The following BRINP3 variants were observed in gnomAD, a reference collection of about 807,000 sequenced individuals.
BRINP3 encodes the protein BMP/retinoic acid inducible neural specific 3.
BRINP3 carries 19 observed loss-of-function variants against 71.0 expected under a neutral mutation model. That is an observed-to-expected ratio of 0.27 (90% CI 0.19 to 0.39). The LOEUF is 0.39. Ranked by LOEUF, BRINP3 falls within the 10% of genes least tolerant of loss-of-function variation. The pLI is 1.00. For missense variants in BRINP3, 959 were observed against 940.8 expected (o/e 1.02, Z -0.25); for synonymous variants, 380 against 337.7 (o/e 1.13, Z -1.37).
At position 190,327,263 on chromosome 1, in the gene BRINP3, C is replaced by T. The variant is rs530421096; in HGVS notation, c.237-45513G>A. On this transcript the variant is annotated intron_variant, in intron 2 of 7. Transcript: ENST00000367462. ...CCAGGAGGCGGAGGTTGCAGGGAGT[C>T]AAGATCACGCCATTGTACTCTGGCC... is the stretch of plus-strand genomic sequence containing the variant. Among the ~76,000 whole-genome samples, 9 of 118,936 alleles carry T rather than the reference C, an allele frequency of 7.6e-5. No individual in the cohort carries two copies. The South Asian group carries it at 2.5e-3, about 33-fold the overall frequency. The allele number at this position is 118,936 out of a possible 152,430, so 78.0% of individuals were successfully genotyped here. A position where few individuals can be genotyped will look rare whatever the true frequency, so the allele number is the denominator to read the frequency against.
At chr1:190,432,038 T>C (rs1207548269) in intron 2 of BRINP3, among the ~76,000 whole-genome samples, 1 of 152,144 alleles carries the variant, frequency 6.6e-6, no homozygotes, top group Non-Finnish European at 1.5e-5. Context: ...AGAACACCGT[T>C]AACAAACATG....
intron 2 of BRINP3, among the ~76,000 whole-genome samples, chr1:190,449,540 A>G (rs2102603265): frequency 6.6e-6 from 1 of 151,968 alleles, no homozygotes; most frequent in South Asian, 2.1e-4. Flanking sequence ...TGCAAGTCCA[A>G]AGCTACTGTT....
intron 2 of BRINP3, among the ~76,000 whole-genome samples, chr1:190,404,563 C>T (rs1438401827): frequency 1.3e-5 from 2 of 152,128 alleles, no homozygotes; most frequent in East Asian, 3.8e-4. Context: ...TGTAAGAAAA[C>T]ATGATCTTAA....
At position 190,268,600 on chromosome 1, in the gene BRINP3, A is replaced by C. The variant is rs553642865; in HGVS notation, c.428-3545T>G. On this transcript the variant is annotated intron_variant, in intron 3 of 7. Transcript: ENST00000367462. ...GCAGATTAGAATCACAGTGTCAGAA[A>C]AAACACTTAAACTATGTTTATTTCG... Among the ~76,000 whole-genome samples, 9 of 152,288 alleles carry C rather than the reference A, an allele frequency of 5.9e-5. No homozygotes were observed. In the South Asian group the frequency reaches 1.9e-3, roughly 32 times the overall value.
chr1:190,220,446 C>T (rs567478591), intron 6 of BRINP3, among the ~76,000 whole-genome samples: 10 of 152,056 alleles, frequency 6.6e-5, no homozygotes, highest in South Asian at 2.1e-4. Context: ...ATGTTGGTGA[C>T]GGGTTGATGG....
intron 7 of BRINP3, among the ~76,000 whole-genome samples, chr1:190,104,434 A>G (rs1377554979): frequency 6.6e-6 from 1 of 152,118 alleles, no homozygotes; most frequent in Admixed American, 6.6e-5. Context: ...TCTTATTCCT[A>G]TTATGAATGT....
intron 2 of BRINP3, among the ~76,000 whole-genome samples, chr1:190,363,175 A>G (rs1669261503): frequency 6.6e-6 from 1 of 152,120 alleles, no homozygotes; most frequent in African/African-American, 2.4e-5. Context: ...GCCCTGGAGG[A>G]GCTAAGAGCA....
In BRINP3 at chr1:190,459,149, AAT is replaced by A. The variant is rs566672167; in HGVS notation, c.-50-4211_-50-4210del. On this transcript the variant is annotated intron_variant, in intron 1 of 7. Transcript: ENST00000367462. ...ATTCTTTCTCACAAAAAAAAAAAAA[AAT>A]AACTGTGAAGACCACATCATGATAC... Among the ~76,000 whole-genome samples, 161 of 151,358 alleles carry A rather than the reference AAT, an allele frequency of 1.1e-3. 5 individuals are homozygous for A. In the South Asian group the frequency reaches 0.021, roughly 20 times the overall value.
chr1:190,265,539 AATATAT>A, intron 3 of BRINP3, among the ~76,000 whole-genome samples: 1 of 139,252 alleles, frequency 7.2e-6, no homozygotes, highest in African/African-American at 2.6e-5. Flanking sequence ...GTCTCTACTA[AATATAT>A]ATATATATAT....
At chr1:190,167,559 C>A (rs1211605334) in intron 6 of BRINP3, among the ~76,000 whole-genome samples, 1 of 152,136 alleles carries the variant, frequency 6.6e-6, no homozygotes, top group African/African-American at 2.4e-5. Context: ...AAAGCCTGTG[C>A]TAAATAAATC....
chr1:190,186,653 C>A (rs1653554908), intron 6 of BRINP3, among the ~76,000 whole-genome samples: 1 of 151,974 alleles, frequency 6.6e-6, no homozygotes, highest in Non-Finnish European at 1.5e-5. Context: ...CTATTTATTT[C>A]ACATTTTAAT....
chr1:190,174,480 G>A (rs1218472453), intron 6 of BRINP3, among the ~76,000 whole-genome samples: 1 of 151,744 alleles, frequency 6.6e-6, no homozygotes, highest in Non-Finnish European at 1.5e-5. Flanking sequence ...ACATAAATAT[G>A]ATATATATAT....
At position 190,121,417 on chromosome 1, in the gene BRINP3, A is replaced by T. The variant is rs541434356; in HGVS notation, c.1185-22283T>A. The stretch of plus-strand genomic sequence containing the variant: ...TAAGAAAAACAGCACACATTAAGGT[A>T]ACTTAAAACAAAGACTACATAGTGA... On this transcript the variant is annotated intron_variant, in intron 7 of 7. Coordinates refer to ENST00000367462, the MANE Select transcript of BRINP3 (RefSeq NM_199051.3). 1.2e-4 allele frequency among the ~76,000 whole-genome samples: 19 copies of T among 152,344 alleles called. 1 individual carries two copies. The South Asian group carries it at 3.9e-3, about 32-fold the overall frequency.
chr1:190,381,311 GA>G (rs1558235592), intron 2 of BRINP3, among the ~76,000 whole-genome samples: 1 of 150,182 alleles, frequency 6.7e-6, no homozygotes, highest in African/African-American at 2.4e-5. Flanking sequence ...AAAAAACACC[GA>G]CGATCTGTGC....
At chr1:190,107,194 A>G (rs541996350) in intron 7 of BRINP3, among the ~76,000 whole-genome samples, 1 of 152,122 alleles carries the variant, frequency 6.6e-6, no homozygotes, top group African/African-American at 2.4e-5. Context: ...TCATATAAAA[A>G]TATAAATTAT....
chr1:190,191,907 G>A (rs1475666088), intron 6 of BRINP3, among the ~76,000 whole-genome samples: 2 of 151,884 alleles, frequency 1.3e-5, no homozygotes, highest in African/African-American at 2.4e-5. Context: ...ACTGCATTAA[G>A]GGAATAAAAC....
intron 2 of BRINP3, among the ~76,000 whole-genome samples, chr1:190,327,513 T>C (rs926372322): frequency 2.0e-4 from 29 of 144,400 alleles, no homozygotes; most frequent in Non-Finnish European, 6.0e-5. Flanking sequence ...CGAGCAGAGA[T>C]TGCTATTCCT....
intron 2 of BRINP3, among the ~76,000 whole-genome samples, chr1:190,438,527 T>C (rs1388583779): frequency 6.6e-6 from 1 of 151,878 alleles, no homozygotes; most frequent in Admixed American, 6.6e-5. Flanking sequence ...AAAGCCATCA[T>C]GAAGCTTGAC....
In BRINP3 at chr1:190,389,293, C is replaced by T. The variant is rs968563586; in HGVS notation, c.236+65362G>A. On this transcript the variant is annotated intron_variant, in intron 2 of 7. Transcript: ENST00000367462. ...ACCATCCAATCTATTCCCTCCATTC[C>T]CCCATTTCTTCCTCTTAGTAGAATC... 5.9e-5 allele frequency among the ~76,000 whole-genome samples: 9 copies of T among 151,798 alleles called. No homozygotes were observed. In the South Asian group the frequency reaches 1.9e-3, roughly 31 times the overall value.
Sources: gnomAD v4.1 joint callset for allele counts (sites outside exome capture counted in the v4.1 genomes callset) on GRCh38, gnomAD v4.1.1 for gene constraint, MANE v1.5 for transcripts, NCBI Gene and HGNC (gene_info 2026-07-23, HGNC 2026-07-21) for gene names.